The following ZNF587B variants were observed in gnomAD, a reference collection of about 807,000 sequenced individuals.
ZNF587B encodes the protein zinc finger protein 587B.
A neutral mutation model predicts 7.2 loss-of-function variants in ZNF587B; 6 were observed. That is an observed-to-expected ratio of 0.83 (90% CI 0.46 to 1.65). ZNF587B has a LOEUF of 1.65. ZNF587B is among the 40% of genes most tolerant of loss of function. The pLI, the probability that ZNF587B is intolerant of heterozygous loss-of-function variation, is 0.01. For missense variants in ZNF587B, 749 were observed against 761.0 expected (o/e 0.98, Z 0.19); for synonymous variants, 274 against 254.3 (o/e 1.08, Z -0.74).
rs143116058 is a variant in ZNF587B, at chr19:57,836,776, C to T, written c.37-2247C>T. ...ATCAGGAGTTTGAAACCAGCCTGCCCAATATGGTGAAAGACCATCTCTACT... is the reference window on the plus strand; with the variant it reads ...ATCAGGAGTTTGAAACCAGCCTGCCTAATATGGTGAAAGACCATCTCTACT... On this transcript the variant is annotated intron_variant, in intron 1 of 2. Transcript: ENST00000594901. Among the ~76,000 whole-genome samples, 293 of 152,012 alleles carry T rather than the reference C, an allele frequency of 1.9e-3. 1 individual carries two copies. The highest frequency in any genetic ancestry group is 0.01 in the Middle Eastern group (3 of 294).
chr19:57,838,294 TAAAA>T (rs76240138), intron 1 of ZNF587B, among the ~76,000 whole-genome samples: 7 of 122,584 alleles, frequency 5.7e-5, no homozygotes, highest in African/African-American at 2.3e-4. Flanking sequence ...CAAAAAAAAA[TAAAA>T]AAAAAAAGAT....
Position 57,830,377 on chromosome 19 carries a change from G to A in ZNF587B, c.-152G>A, listed in dbSNP as rs184238980. 5.1e-5 allele frequency: 38 copies of A among 746,630 alleles called. No homozygotes were observed. In the African/African-American group the frequency reaches 6.0e-4, roughly 12 times the overall value. The allele number at this position is 746,630 out of a possible 1,614,324, so 46.3% of individuals were successfully genotyped here. On this transcript the variant is annotated 5_prime_UTR_variant, in exon 1 of 3. Transcript: ENST00000594901. ...GCGGTGACTGAACCCAGAAGGCGGA[G>A]AACAGTTGTCCTCTGCTGCACAGAG...
chr19:57,831,473 A>G (rs1049997685), intron 1 of ZNF587B, among the ~76,000 whole-genome samples: 7 of 152,164 alleles, frequency 4.6e-5, no homozygotes, highest in South Asian at 2.1e-4. Context: ...GCTCACCGCA[A>G]TCTCCGCCTC....
Position 57,841,191 on chromosome 19 carries a change from A to G in ZNF587B, c.517A>G (p.Ser173Gly). Residue 173 changes from serine to glycine, a missense_variant, in exon 3 of 3, where the codon AGT (serine) becomes GGT (glycine). Ser to Gly is a moderately conservative substitution (Grantham distance 56, BLOSUM62 0). Around this residue, in one of 3 missense-constraint regions of ZNF587B, gnomAD observed 656 missense variants for 596.5 expected, o/e 1.10. Transcript: ENST00000594901. ...TGTGTCAGGGGAGTCATCTGTCTTCAGTGAGAGTGGGAAGGACTTTTTGCC... is the reference window on the plus strand; with the variant it reads ...TGTGTCAGGGGAGTCATCTGTCTTCGGTGAGAGTGGGAAGGACTTTTTGCC... ...LHVSGESSVF[S>G]ESGKDFLPRS... 1 of 1,614,200 alleles carries G rather than the reference A, an allele frequency of 6.2e-7. No individual in the cohort carries two copies. The highest frequency in any genetic ancestry group is 8.5e-7 in the Non-Finnish European group (1 of 1,180,044).
chr19:57,843,760 C>T lies in ZNF587B; in HGVS notation c.*1184C>T, dbSNP rs1988971732. Reference sequence around the variant, plus strand: ...GGGATTACAGGTGCCTGCCACCACACCCAGGTAATTTTTGTACTTTTAGTA... The same window carrying T: ...GGGATTACAGGTGCCTGCCACCACATCCAGGTAATTTTTGTACTTTTAGTA... On this transcript the variant is annotated 3_prime_UTR_variant, in exon 3 of 3. Coordinates refer to ENST00000594901, the MANE Select transcript of ZNF587B (RefSeq NM_001376223.1). Among the ~76,000 whole-genome samples, 1 of 151,752 alleles carries T rather than the reference C, an allele frequency of 6.6e-6. No individual in the cohort carries two copies. The highest frequency in any genetic ancestry group is 2.4e-5 in the African/African-American group (1 of 41,306).
Position 57,844,333 on chromosome 19 carries a change from T to C in ZNF587B, c.*1757T>C. Reference sequence around the variant, plus strand: ...GCCTGGGCAATATAGTGAAATCCTGTCTCTTCTAAAAATATAAAAATTAGC... The same window carrying C: ...GCCTGGGCAATATAGTGAAATCCTGCCTCTTCTAAAAATATAAAAATTAGC... On this transcript the variant is annotated 3_prime_UTR_variant, in exon 3 of 3. Transcript: ENST00000594901. 3.2e-6 allele frequency: 1 copy of C among 316,994 alleles called. No individual in the cohort carries two copies. Among genetic ancestry groups the C allele is most frequent in the South Asian group, 2.1e-5 (1 of 46,536 alleles). 19.6% of individuals were successfully genotyped at this position (316,994 alleles called of 1,614,324 possible).
At chr19:57,839,770 G>T (rs1016611075) in intron 2 of ZNF587B, among the ~76,000 whole-genome samples, 38 of 152,108 alleles carry the variant, frequency 2.5e-4, no homozygotes, top group African/African-American at 8.9e-4. Context: ...AGGCTCAGAA[G>T]GAGTGAGTCC....
At chr19:57,830,870 A>G (rs1600100692) in intron 1 of ZNF587B, among the ~76,000 whole-genome samples, 1 of 152,174 alleles carries the variant, frequency 6.6e-6, no homozygotes, top group East Asian at 1.9e-4. Context: ...TCGCGGCCCC[A>G]AAGAAGGGGC....
rs1455680466 is a variant in ZNF587B at position 57,842,183 on chromosome 19, T to C, written c.1509T>C (p.Phe503=). ...CTTGTGAGGCTTGTCAGAAATTTTT[T>C]AGGCACAAGTGCCACCTCACTGCAC... is the stretch of plus-strand genomic sequence containing the variant. ...PYACEACQKF[F]RHKCHLTAHQ... is the part of the protein sequence containing the mutation. The change falls in exon 3 of 3, where the codon TTT becomes TTC. Residue 503 remains phenylalanine, a synonymous_variant. Transcript: ENST00000594901. 1 of 1,613,102 alleles carries C rather than the reference T, an allele frequency of 6.2e-7. No individual in the cohort carries two copies. The highest frequency in any genetic ancestry group is 1.7e-5 in the Admixed American group (1 of 59,830).
At position 57,840,736 on chromosome 19, in the gene ZNF587B, G is replaced by C. The variant is rs2375156; in HGVS notation, c.164-102G>C. On this transcript the variant is annotated intron_variant, in intron 2 of 2. Transcript: ENST00000594901. ...AGCCAACATCCTGTTCCTCCAAGTA[G>C]TTCCTTGGAGTAATTCCTCAGTTTT... 1.5e-3 allele frequency: 2,487 copies of C among 1,606,468 alleles called. 38 individuals carry two copies. In the African/African-American group the frequency reaches 0.023, roughly 15 times the overall value.
At chr19:57,832,520 ATC>A (rs1231871096) in intron 1 of ZNF587B, among the ~76,000 whole-genome samples, 3 of 152,348 alleles carry the variant, frequency 2.0e-5, no homozygotes, top group Admixed American at 2.0e-4. Flanking sequence ...AAGGTCACGT[ATC>A]TCTGTTTCTC....
chr19:57,840,892 T>C lies in ZNF587B; in HGVS notation c.218T>C (p.Ile73Thr), dbSNP rs766372977. 3.9e-6 allele frequency: 6 copies of C among 1,553,306 alleles called. No homozygotes were observed. The East Asian group carries it at 1.4e-4, about 35-fold the overall frequency. Residue 73 changes from isoleucine to threonine, a missense_variant, in exon 3 of 3, where the codon ATA (isoleucine) becomes ACA (threonine). Ile to Thr is a moderately conservative substitution (Grantham distance 89, BLOSUM62 -1). Transcript: ENST00000594901. ...GCACCTTCTAAGCAGAGTATTTATA[T>C]ACAAAGAGAGACTCAGGTCAGGACT... ...EAAPSKQSIY[I>T]QRETQVRTPV...
rs1988698280 is a variant in ZNF587B at position 57,838,117 on chromosome 19, G to A, written c.37-906G>A. On this transcript the variant is annotated intron_variant, in intron 1 of 2. Transcript: ENST00000594901. The stretch of plus-strand genomic sequence containing the variant: ...AAGTCAGGAGTTCGAGACCAGCCTG[G>A]CCAACATGGTGAAATCCTATCTCTA... Among the ~76,000 whole-genome samples the A allele has an allele frequency of 2.0e-5, 3 of 151,530 alleles. No homozygotes were observed. In the South Asian group the frequency reaches 6.3e-4, roughly 32 times the overall value.
Position 57,843,066 on chromosome 19 carries a change from GCT to G in ZNF587B, c.*492_*493del. 1 of 820,758 alleles carries G rather than the reference GCT, an allele frequency of 1.2e-6. No homozygotes were observed. The highest frequency in any genetic ancestry group is 1.5e-6 in the Non-Finnish European group (1 of 679,724). 50.8% of individuals were successfully genotyped at this position (820,758 alleles called of 1,614,324 possible). Reference sequence around the variant, plus strand: ...GCTGGTGTGCAGTGCTGCGATCGTAGCTCACTGCATCCTCCGCCCCCTAGGCT... The same window carrying G: ...GCTGGTGTGCAGTGCTGCGATCGTAGCACTGCATCCTCCGCCCCCTAGGCT... On this transcript the variant is annotated 3_prime_UTR_variant, in exon 3 of 3. Transcript: ENST00000594901.
intron 1 of ZNF587B, 147 bp from the exon 2 acceptor site, chr19:57,838,876 G>C: frequency 7.5e-7 from 1 of 1,333,114 alleles, no homozygotes; most frequent in South Asian, 1.4e-5. Flanking sequence ...ATTGTTGGTG[G>C]CTGTACCCCA....
intron 1 of ZNF587B, among the ~76,000 whole-genome samples, chr19:57,832,181 G>A (rs113570018): frequency 0.039 from 5,983 of 151,930 alleles, 274 homozygotes; most frequent in African/African-American, 0.11. Flanking sequence ...CCACCTCCCG[G>A]GTTCATGCCA....
chr19:57,836,531 A>G (rs913393175), intron 1 of ZNF587B, among the ~76,000 whole-genome samples: 8 of 152,020 alleles, frequency 5.3e-5, no homozygotes, highest in South Asian at 4.1e-4. Flanking sequence ...TCTCTCGTGT[A>G]TGTATGTAGA....
chr19:57,839,238 C>T, intron 2 of ZNF587B, 89 bp downstream of exon 2: 2 of 1,560,608 alleles, frequency 1.3e-6, no homozygotes, highest in Non-Finnish European at 8.7e-7. Flanking sequence ...ATGTCAGGAG[C>T]ATGGACACAG....
chr19:57,845,386 G>C lies in ZNF587B; in HGVS notation c.*2810G>C, dbSNP rs1989026224. ...AGACTTCCATAATAATGAATGTTGT[G>C]TAGCTAAGCTTTGGTCAGAGGAAAT... On this transcript the variant is annotated 3_prime_UTR_variant, in exon 3 of 3. Coordinates refer to ENST00000594901, the MANE Select transcript of ZNF587B (RefSeq NM_001376223.1). 2 of 152,192 alleles carry C rather than the reference G, an allele frequency of 1.3e-5. No homozygotes were observed. Among genetic ancestry groups the C allele is most frequent in the African/African-American group, 4.8e-5 (2 of 41,446 alleles). 9.4% of individuals were successfully genotyped at this position (152,192 alleles called of 1,614,324 possible).
Sources: allele counts gnomAD v4.1 joint callset (sites outside exome capture counted in the v4.1 genomes callset), GRCh38; gene constraint gnomAD v4.1.1; regional missense constraint gnomAD v4.1.1; transcripts MANE v1.5; gene names NCBI Gene and HGNC (gene_info 2026-07-23, HGNC 2026-07-21).